Variants in RAB2A observed in about 807,000 individuals in gnomAD.
RAB2A encodes the protein RAB2A, member RAS oncogene family.
In RAB2A, 7 loss-of-function variants were observed where a neutral mutation model predicts 32.5. The ratio of observed to expected loss-of-function variants is 0.22; its 90% CI spans 0.12 to 0.40. The LOEUF is 0.40. Among genes scored for constraint, RAB2A ranks in the 10% least tolerant of loss-of-function variants. The pLI is 1.00. For synonymous variants in RAB2A, 79 were observed against 85.2 expected (o/e 0.93, Z 0.40); for missense variants, 108 against 260.7 (o/e 0.41, Z 4.03).
chr8:60,546,030 G>A (rs571931271), intron 1 of RAB2A, among the ~76,000 whole-genome samples: 1 of 152,284 alleles, frequency 6.6e-6, no homozygotes, highest in African/African-American at 2.4e-5. Context: ...GTTTATAAAT[G>A]TTGTAAAAAC....
chr8:60,586,791 T>C (rs1282106703), intron 5 of RAB2A, among the ~76,000 whole-genome samples: 2 of 152,088 alleles, frequency 1.3e-5, no homozygotes, highest in East Asian at 3.9e-4. Flanking sequence ...TAGCTAGGCA[T>C]GCTGGCACAC....
intron 1 of RAB2A, among the ~76,000 whole-genome samples, chr8:60,556,741 T>G (rs1490545047): frequency 6.6e-6 from 1 of 151,736 alleles, no homozygotes; most frequent in African/African-American, 2.4e-5. Context: ...CAACACTTAG[T>G]CAGAATGAGA....
intron 6 of RAB2A, among the ~76,000 whole-genome samples, chr8:60,611,654 C>T (rs1257414983): frequency 6.6e-6 from 1 of 152,158 alleles, no homozygotes; most frequent in Non-Finnish European, 1.5e-5. Context: ...AGGAATTAAA[C>T]ATTTTTGTGT....
At chr8:60,533,458 A>T (rs1223736082) in intron 1 of RAB2A, among the ~76,000 whole-genome samples, 1 of 152,242 alleles carries the variant, frequency 6.6e-6, no homozygotes, top group Non-Finnish European at 1.5e-5. Flanking sequence ...TGACTTTCAG[A>T]TACTTAGGTG....
At chr8:60,565,135 A>G (rs925490864) in intron 2 of RAB2A, among the ~76,000 whole-genome samples, 2 of 152,208 alleles carry the variant, frequency 1.3e-5, no homozygotes, top group African/African-American at 2.4e-5. Flanking sequence ...GTCAGCCTAT[A>G]AGAAATGATT....
chr8:60,559,014 T>G (rs1009685942), intron 2 of RAB2A, 91 bp downstream of exon 2: 2 of 882,240 alleles, frequency 2.3e-6, no homozygotes, highest in Middle Eastern at 3.3e-4. Context: ...GTGATGATGC[T>G]AAAATCAGTG....
At chr8:60,577,641 T>C (rs1442540246) in intron 3 of RAB2A, among the ~76,000 whole-genome samples, 3 of 149,738 alleles carry the variant, frequency 2.0e-5, no homozygotes, top group Non-Finnish European at 4.5e-5. Context: ...TTTTTTTTTT[T>C]GAGACGGAGT....
chr8:60,520,785 C>T (rs889564399), intron 1 of RAB2A, among the ~76,000 whole-genome samples: 4 of 151,966 alleles, frequency 2.6e-5, no homozygotes, highest in Non-Finnish European at 4.4e-5. Context: ...ATGTATATAC[C>T]CACCACTTCC....
chr8:60,523,453 G>A (rs900231911), intron 1 of RAB2A, among the ~76,000 whole-genome samples: 4 of 152,106 alleles, frequency 2.6e-5, no homozygotes, highest in African/African-American at 9.6e-5. Context: ...CACCACGCCC[G>A]GCCAAGGACT....
chr8:60,542,713 T>A (rs1257964418), intron 1 of RAB2A, among the ~76,000 whole-genome samples: 3 of 152,166 alleles, frequency 2.0e-5, no homozygotes, highest in African/African-American at 7.2e-5. Context: ...TAGTAGATGA[T>A]TGCATCAAGG....
At chr8:60,618,820 A>G (rs888066151) in intron 7 of RAB2A, 172 bp downstream of exon 7, 2 of 202,692 alleles carry the variant, frequency 9.9e-6, no homozygotes, top group African/African-American at 2.3e-5. Flanking sequence ...AAAAATTGGT[A>G]TATGTGGTAT....
At chr8:60,562,349 G>A (rs1033318717) in intron 2 of RAB2A, among the ~76,000 whole-genome samples, 1 of 152,118 alleles carries the variant, frequency 6.6e-6, no homozygotes, top group Non-Finnish European at 1.5e-5. Flanking sequence ...AAAAGGCAAA[G>A]CAAATTTTAT....
chr8:60,589,770 A>G (rs1263733752), intron 5 of RAB2A, among the ~76,000 whole-genome samples: 2 of 152,182 alleles, frequency 1.3e-5, no homozygotes, highest in Non-Finnish European at 2.9e-5. Flanking sequence ...GTCAAGTACT[A>G]TGGCTTTTGA....
At chr8:60,571,739 CT>C (rs1339305676) in intron 2 of RAB2A, among the ~76,000 whole-genome samples, 1 of 151,880 alleles carries the variant, frequency 6.6e-6, no homozygotes, top group East Asian at 1.9e-4. Flanking sequence ...ATAATTATGG[CT>C]CTTGGATCTC....
intron 5 of RAB2A, among the ~76,000 whole-genome samples, chr8:60,591,480 G>A (rs140692824): frequency 1.3e-5 from 2 of 152,288 alleles, no homozygotes; most frequent in East Asian, 3.9e-4. Context: ...TAGAAACTCA[G>A]TCAGTCTGGC....
intron 2 of RAB2A, among the ~76,000 whole-genome samples, chr8:60,566,723 G>T (rs1423217885): frequency 6.6e-6 from 1 of 152,094 alleles, no homozygotes; most frequent in Non-Finnish European, 1.5e-5. Flanking sequence ...AGTGAACGTG[G>T]TTCTCAATAG....
At position 60,522,427 on chromosome 8, in the gene RAB2A, G is replaced by T. The variant is rs574311823; in HGVS notation, c.46+5174G>T. Among the ~76,000 whole-genome samples, 8 of 152,296 alleles carry T rather than the reference G, an allele frequency of 5.3e-5. No homozygotes were observed. In the South Asian group the frequency reaches 1.7e-3, roughly 32 times the overall value. The stretch of plus-strand genomic sequence containing the variant: ...ACACTTAACCGTTACTTCTGGGGAG[G>T]AGAGTAGAATTATATGCTTATATTG... On this transcript the variant is annotated intron_variant, in intron 1 of 7. Coordinates refer to ENST00000262646, the MANE Select transcript of RAB2A (RefSeq NM_002865.3).
intron 6 of RAB2A, among the ~76,000 whole-genome samples, chr8:60,607,344 G>A (rs1031384822): frequency 6.8e-6 from 1 of 147,012 alleles, no homozygotes; most frequent in African/African-American, 2.6e-5. Flanking sequence ...CAGGAGAATG[G>A]CATGAACCCG....
At chr8:60,517,664 G>T (rs781428432) in intron 1 of RAB2A, among the ~76,000 whole-genome samples, 20 of 152,154 alleles carry the variant, frequency 1.3e-4, no homozygotes, top group Non-Finnish European at 2.5e-4. Context: ...AGGTGTTGGG[G>T]CCCGGGTCTT....
Sources: gnomAD v4.1 joint callset for allele counts (sites outside exome capture counted in the v4.1 genomes callset) on GRCh38, gnomAD v4.1.1 for gene constraint, MANE v1.5 for transcripts, NCBI Gene and HGNC (gene_info 2026-07-23, HGNC 2026-07-21) for gene names.